Variants in FOXP1 observed in about 807,000 individuals in gnomAD.
FOXP1 encodes the protein forkhead box P1.
FOXP1 carries 15 observed loss-of-function variants against 98.2 expected under a neutral mutation model. That is an observed-to-expected ratio of 0.15 (90% CI 0.10 to 0.24). FOXP1 has a LOEUF of 0.24. Ranked by LOEUF, FOXP1 falls within the 10% of genes least tolerant of loss-of-function variation. The probability of loss-of-function intolerance (pLI) is 1.00; values close to 1 mark genes in which losing one functional copy is unlikely to be tolerated. For synonymous variants in FOXP1, 371 were observed against 314.5 expected (o/e 1.18, Z -1.90); for missense variants, 633 against 848.5 (o/e 0.75, Z 3.15).
chr3:71,138,826 T>C (rs2059935425), intron 6 of FOXP1, among the ~76,000 whole-genome samples: 1 of 152,154 alleles, frequency 6.6e-6, no homozygotes, highest in Non-Finnish European at 1.5e-5. Flanking sequence ...ATTGGATTAC[T>C]GCATTAATTC....
chr3:71,369,598 T>G (rs2079154938), intron 3 of FOXP1, among the ~76,000 whole-genome samples: 1 of 152,116 alleles, frequency 6.6e-6, no homozygotes, highest in Non-Finnish European at 1.5e-5. Context: ...TTTCACCATG[T>G]TGGTCAGGCT....
At chr3:71,179,616 C>G (rs555511731) in intron 6 of FOXP1, among the ~76,000 whole-genome samples, 1 of 152,250 alleles carries the variant, frequency 6.6e-6, no homozygotes, top group South Asian at 2.1e-4. Context: ...AGAGAATTAA[C>G]CCTCACAATT....
intron 6 of FOXP1, among the ~76,000 whole-genome samples, chr3:71,116,778 T>C (rs1327122087): frequency 6.6e-6 from 1 of 152,258 alleles, no homozygotes; most frequent in East Asian, 1.9e-4. Flanking sequence ...GTGGTCTAGA[T>C]TTTAAATTGT....
chr3:71,242,396 A>G (rs867314692), intron 5 of FOXP1, among the ~76,000 whole-genome samples: 4 of 152,322 alleles, frequency 2.6e-5, no homozygotes, highest in Non-Finnish European at 5.9e-5. Flanking sequence ...AATCATAGCT[A>G]CACAGCAGTT....
intron 5 of FOXP1, among the ~76,000 whole-genome samples, chr3:71,273,692 C>T (rs943364981): frequency 6.6e-6 from 1 of 152,054 alleles, no homozygotes; most frequent in African/African-American, 2.4e-5. Context: ...CTGTGCAGCC[C>T]AGACAATGAG....
chr3:70,976,341 A>G (rs2037521400), intron 17 of FOXP1, among the ~76,000 whole-genome samples: 1 of 152,162 alleles, frequency 6.6e-6, no homozygotes, highest in Admixed American at 6.5e-5. Flanking sequence ...GGCATGAGCC[A>G]CTGTGCCTGG....
At chr3:70,964,812 T>C (rs1024333457) in intron 20 of FOXP1, among the ~76,000 whole-genome samples, 3 of 152,180 alleles carry the variant, frequency 2.0e-5, no homozygotes, top group Non-Finnish European at 2.9e-5. Flanking sequence ...GAAACTCAAA[T>C]GCTAGAAAAT....
At chr3:71,135,322 A>C (rs892373931) in intron 6 of FOXP1, among the ~76,000 whole-genome samples, 29 of 151,720 alleles carry the variant, frequency 1.9e-4, no homozygotes, top group African/African-American at 6.1e-4. Flanking sequence ...CCTCTGAAAA[A>C]GGAGGGGGGA....
chr3:71,520,632 A>G (rs1037809048), intron 2 of FOXP1, among the ~76,000 whole-genome samples: 25 of 152,260 alleles, frequency 1.6e-4, no homozygotes, highest in African/African-American at 6.0e-4. Flanking sequence ...AAACAGCTTC[A>G]GATCTAAAAT....
chr3:71,233,921 T>C (rs982664549), intron 5 of FOXP1, among the ~76,000 whole-genome samples: 6 of 152,318 alleles, frequency 3.9e-5, no homozygotes, highest in Admixed American at 3.3e-4. Flanking sequence ...AATTTTGCTC[T>C]TTCTTCGAGG....
intron 11 of FOXP1, among the ~76,000 whole-genome samples, chr3:71,029,593 A>G (rs2107884100): frequency 1.3e-5 from 2 of 151,996 alleles, no homozygotes; most frequent in South Asian, 4.2e-4. Flanking sequence ...GTCTCACTAT[A>G]TTGCCCAGGC....
chr3:71,250,922 C>T (rs891880797), intron 5 of FOXP1, among the ~76,000 whole-genome samples: 1 of 151,718 alleles, frequency 6.6e-6, no homozygotes, highest in African/African-American at 2.4e-5. Flanking sequence ...CAGAGTGAGA[C>T]TGTGTCTCAA....
rs1359844601 is a variant in FOXP1, at chr3:71,101,760, AGAG to A, written c.282+10773_282+10775del. Among the ~76,000 whole-genome samples, 7 of 152,124 alleles carry A rather than the reference AGAG, an allele frequency of 4.6e-5. 1 individual carries two copies. Among genetic ancestry groups the A allele is most frequent in the African/African-American group, 1.7e-4 (7 of 41,508 alleles). On this transcript the variant is annotated intron_variant, in intron 7 of 20. Transcript: ENST00000649528. ...AAGCTTGGCAGCAAAAGAAGGAGCT[AGAG>A]GAGAGTAGCTGGGAAGGATCGAGTC...
intron 7 of FOXP1, among the ~76,000 whole-genome samples, chr3:71,079,583 C>A (rs1347307768): frequency 2.0e-5 from 3 of 152,202 alleles, no homozygotes; most frequent in Admixed American, 1.3e-4. Flanking sequence ...TGTGTGCACT[C>A]CAATGTTTCA....
intron 3 of FOXP1, among the ~76,000 whole-genome samples, chr3:71,464,004 C>T (rs1263280469): frequency 7.9e-5 from 12 of 152,184 alleles, no homozygotes; most frequent in Admixed American, 7.9e-4. Context: ...ACAGGCTACA[C>T]ATGGTGGCTC....
At chr3:71,312,602 T>G (rs1576917726) in intron 4 of FOXP1, among the ~76,000 whole-genome samples, 1 of 152,268 alleles carries the variant, frequency 6.6e-6, no homozygotes, top group African/African-American at 2.4e-5. Context: ...GGCAGGACGA[T>G]TGCTTGAGCC....
chr3:71,228,813 T>C (rs1416861004), intron 5 of FOXP1, among the ~76,000 whole-genome samples: 1 of 152,066 alleles, frequency 6.6e-6, no homozygotes, highest in Non-Finnish European at 1.5e-5. Flanking sequence ...GGCAGAAAAA[T>C]AATATTCTTT....
chr3:70,976,486 G>T (rs990431998), intron 17 of FOXP1, among the ~76,000 whole-genome samples: 1 of 152,134 alleles, frequency 6.6e-6, no homozygotes, highest in Non-Finnish European at 1.5e-5. Flanking sequence ...CTACTAATTG[G>T]GTTAATGAGC....
chr3:71,531,614 T>C (rs997860525), intron 2 of FOXP1, among the ~76,000 whole-genome samples: 1 of 152,212 alleles, frequency 6.6e-6, no homozygotes, highest in African/African-American at 2.4e-5. Flanking sequence ...CTCATGACCA[T>C]CTTTTTTTTG....
Sources: gnomAD v4.1 joint callset for allele counts (sites outside exome capture counted in the v4.1 genomes callset) on GRCh38, gnomAD v4.1.1 for gene constraint, MANE v1.5 for transcripts, NCBI Gene and HGNC (gene_info 2026-07-23, HGNC 2026-07-21) for gene names.